Variants in ZNF337 observed in about 807,000 individuals in gnomAD.
ZNF337 encodes zinc finger protein 337.
A neutral mutation model predicts 12.1 loss-of-function variants in ZNF337; 8 were observed. The ratio of observed to expected loss-of-function variants is 0.66; its 90% CI spans 0.39 to 1.19. The LOEUF is 1.19. ZNF337 is among the 50% of genes most tolerant of loss of function. The pLI is 0.01. For synonymous variants in ZNF337, 336 were observed against 320.0 expected (o/e 1.05, Z -0.53); for missense variants, 882 against 896.6 (o/e 0.98, Z 0.21).
rs560203328 is a variant in ZNF337, at chr20:25,693,436, A to AC, written c.-50+3322_-50+3323insG. On this transcript the variant is annotated intron_variant, in intron 1 of 4. Transcript: ENST00000252979. ...CTTAGTCTGTGAAATGGGGATTCCA[A>AC]TTCCTAACTTCCACATTGGTTGAAG... Among the ~76,000 whole-genome samples the AC allele has an allele frequency of 4.6e-5, 7 of 152,342 alleles. No homozygotes were observed. In the South Asian group the frequency reaches 1.4e-3, roughly 32 times the overall value.
chr20:25,696,557 G>A (rs1168898193), intron 1 of ZNF337, among the ~76,000 whole-genome samples: 1 of 152,198 alleles, frequency 6.6e-6, no homozygotes, highest in African/African-American at 2.4e-5. Context: ...CCCAGACCCG[G>A]GGCGCTCGGC....
intron 4 of ZNF337, among the ~76,000 whole-genome samples, chr20:25,683,749 T>C (rs1452219425): frequency 1.3e-5 from 2 of 152,162 alleles, no homozygotes; most frequent in Non-Finnish European, 1.5e-5. Flanking sequence ...TTTTACACTG[T>C]TGGTGGGACT....
chr20:25,675,027 T>A lies in ZNF337; in HGVS notation c.*5A>T, dbSNP rs774928588. 3 of 1,609,658 alleles carry A rather than the reference T, an allele frequency of 1.9e-6. No homozygotes were observed. Among genetic ancestry groups the A allele is most frequent in the African/African-American group, 1.3e-5 (1 of 74,796 alleles). On this transcript the variant is annotated 3_prime_UTR_variant, in exon 5 of 5. Transcript: ENST00000252979. ...GTGTCCTCTGATGGATGGTGAGATA[T>A]AACTTCAAGATGAAGCCTCACCCAC...
At chr20:25,680,588 C>T (rs2065757575) in intron 4 of ZNF337, among the ~76,000 whole-genome samples, 2 of 152,040 alleles carry the variant, frequency 1.3e-5, no homozygotes, top group African/African-American at 2.4e-5. Context: ...GGTACTATGA[C>T]AGTCAATGTG....
chr20:25,687,695 T>C (rs896990297), intron 1 of ZNF337, among the ~76,000 whole-genome samples: 4 of 152,240 alleles, frequency 2.6e-5, no homozygotes, highest in African/African-American at 4.8e-5. Flanking sequence ...CTTAAGGAGA[T>C]AGCTACAGAT....
chr20:25,691,797 C>T (rs1699693684), intron 1 of ZNF337, among the ~76,000 whole-genome samples: 1 of 152,138 alleles, frequency 6.6e-6, no homozygotes, highest in African/African-American at 2.4e-5. Context: ...AAGACAAATT[C>T]CGTGTAGTTT....
Position 25,674,562 on chromosome 20 carries a change from G to T in ZNF337, c.*470C>A. On this transcript the variant is annotated 3_prime_UTR_variant, in exon 5 of 5. Transcript: ENST00000252979. ...AGAGTTTCAACATAAATTAAGGAGG[G>T]GACAAAACATCCAAACCAAGGAAGG... The T allele has an allele frequency of 6.1e-6, 1 of 164,576 alleles. No individual in the cohort carries two copies. Among genetic ancestry groups the T allele is most frequent in the Admixed American group, 5.8e-5 (1 of 17,174 alleles). 10.2% of individuals were successfully genotyped at this position (164,576 alleles called of 1,614,324 possible).
chr20:25,685,749 G>A, intron 3 of ZNF337, 87 bp from the exon 4 acceptor site: 3 of 1,294,722 alleles, frequency 2.3e-6, no homozygotes, highest in Non-Finnish European at 3.3e-6. Flanking sequence ...CAGGAAGGGA[G>A]GGAGAATCAG....
Position 25,675,382 on chromosome 20 carries a change from C to G in ZNF337, c.1906G>C (p.Gly636Arg). The change falls in exon 5 of 5, where the codon GGC (glycine) becomes CGC (arginine). Residue 636 changes from glycine to arginine, a missense_variant. Coordinates refer to ENST00000252979, the MANE Select transcript of ZNF337 (RefSeq NM_015655.4). ...QPFVCKECGR[G>R]FNWKGNLLTH... ...AGGAGATTTCCCTTCCAGTTGAAGC[C>G]TCGCCCACACTCCTTGCATACAAAA... 7 of 1,613,984 alleles carry G rather than the reference C, an allele frequency of 4.3e-6. No individual in the cohort carries two copies. The highest frequency in any genetic ancestry group is 5.9e-6 in the Non-Finnish European group (7 of 1,179,992).
intron 1 of ZNF337, among the ~76,000 whole-genome samples, chr20:25,688,836 G>T (rs567260464): frequency 1.5e-4 from 23 of 152,058 alleles, no homozygotes; most frequent in Admixed American, 1.5e-3. Context: ...TTAAGTAAGG[G>T]TAAGTATCTC....
In ZNF337 at chr20:25,685,610, C is replaced by A; in HGVS notation, c.207G>T (p.Val69=). ...GGCGTCTTCTCTCTTCTCCCCAGGGCACTTCCCCTTGCTCTAGCCGCCTGA... is the reference window on the plus strand; with the variant it reads ...GGCGTCTTCTCTCTTCTCCCCAGGGAACTTCCCCTTGCTCTAGCCGCCTGA... The part of the protein sequence containing the change: ...ELIRRLEQGE[V]PWGEERRRRP... Residue 69 remains valine (V), a synonymous_variant, in exon 4 of 5, where the codon GTG becomes GTT. Coordinates refer to ENST00000252979, the MANE Select transcript of ZNF337 (RefSeq NM_015655.4). 1 of 1,614,190 alleles carries A rather than the reference C, an allele frequency of 6.2e-7. No homozygotes were observed. The highest frequency in any genetic ancestry group is 1.1e-5 in the South Asian group (1 of 91,076).
intron 1 of ZNF337, among the ~76,000 whole-genome samples, chr20:25,692,040 G>A (rs981087335): frequency 6.6e-6 from 1 of 152,128 alleles, no homozygotes; most frequent in Non-Finnish European, 1.5e-5. Flanking sequence ...AAAAGCTATG[G>A]CAAGGAAAGA....
Position 25,676,248 on chromosome 20 carries a change from G to A in ZNF337, c.1040C>T (p.Pro347Leu), listed in dbSNP as rs748714874. 1 of 1,613,908 alleles carries A rather than the reference G, an allele frequency of 6.2e-7. No individual in the cohort carries two copies. Among genetic ancestry groups the A allele is most frequent in the Non-Finnish European group, 8.5e-7 (1 of 1,179,976 alleles). ...VHKRIHSGEK[P>L]YRCQECGRGF... is the part of the protein sequence containing the mutation. ...TCGGCCACACTCCTGGCATCTGTAAGGCTTCTCTCCTGAGTGTATTCTCTT... is the reference window on the plus strand; with the variant it reads ...TCGGCCACACTCCTGGCATCTGTAAAGCTTCTCTCCTGAGTGTATTCTCTT... Residue 347 changes from proline to leucine, a missense_variant, in exon 5 of 5, where the codon CCT becomes CTT. By Grantham distance (98) the Pro-to-Leu change is moderately conservative (BLOSUM62 -3). Transcript: ENST00000252979.
chr20:25,675,960 T>TGAATAAATCCTTGCCCA lies in ZNF337; in HGVS notation c.1311_1327dup (p.Gln443LeufsTer12). On this transcript the variant is annotated frameshift_variant, in exon 5 of 5. Transcript: ENST00000252979. LOFTEE classifies it low-confidence loss of function (END_TRUNC). The stretch of plus-strand genomic sequence containing the variant: ...CTGATGTTTCACAAGGGTTGACTTC[T>TGAATAAATCCTTGCCCA]GAATAAATCCTTGCCCACATTCTCT... 6.2e-7 allele frequency: 1 copy of TGAATAAATCCTTGCCCA among 1,612,928 alleles called. No individual in the cohort carries two copies. The highest frequency in any genetic ancestry group is 8.5e-7 in the Non-Finnish European group (1 of 1,179,432).
Position 25,676,501 on chromosome 20 carries a change from G to T in ZNF337, c.787C>A (p.Pro263Thr), listed in dbSNP as rs754978402. ...CGTCCACACACCTTGCACAGAAAAGGCTTCTCTCCTGAGTGTGTCCTCTGG... is the reference window on the plus strand; with the variant it reads ...CGTCCACACACCTTGCACAGAAAAGTCTTCTCTCCTGAGTGTGTCCTCTGG... The part of the protein sequence containing the change: ...RHQRTHSGEK[P>T]FLCKVCGRGY... The change falls in exon 5 of 5, where the codon CCT becomes ACT. Residue 263 changes from proline to threonine, a missense_variant. Transcript: ENST00000252979. 6 of 1,614,034 alleles carry T rather than the reference G, an allele frequency of 3.7e-6. No individual in the cohort carries two copies. In the South Asian group the frequency reaches 4.4e-5, roughly 12 times the overall value.
Position 25,675,327 on chromosome 20 carries a change from T to C in ZNF337, c.1961A>G (p.Lys654Arg), listed in dbSNP as rs752929963. The C allele has an allele frequency of 6.2e-7, 1 of 1,614,234 alleles. No homozygotes were observed. The highest frequency in any genetic ancestry group is 8.5e-7 in the Non-Finnish European group (1 of 1,180,038). The change falls in exon 5 of 5, where the codon AAG becomes AGG. Residue 654 changes from lysine (K) to arginine (R), a missense_variant. By Grantham distance (26) the Lys-to-Arg change is conservative. Coordinates refer to ENST00000252979, the MANE Select transcript of ZNF337 (RefSeq NM_015655.4). Reference protein sequence around the residue: ...LTHQRTHSGEKPFVCNVCGQG... With the variant: ...LTHQRTHSGERPFVCNVCGQG... ...CCCACACACATTACACACGAAGGGC[T>C]TCTCCCCTGAGTGTGTCCTCTGGTG...
chr20:25,694,234 C>G (rs748012933), intron 1 of ZNF337, among the ~76,000 whole-genome samples: 1 of 152,134 alleles, frequency 6.6e-6, no homozygotes, highest in Non-Finnish European at 1.5e-5. Flanking sequence ...GTGACTATTA[C>G]CCACCAATTT....
chr20:25,685,942 C>A, intron 3 of ZNF337, 54 bp downstream of exon 3: 1 of 1,572,124 alleles, frequency 6.4e-7, no homozygotes, highest in South Asian at 1.2e-5. Flanking sequence ...AACCCTATGG[C>A]AACATCAGAG....
chr20:25,687,551 C>CT (rs1167974345), intron 1 of ZNF337, among the ~76,000 whole-genome samples: 3 of 152,186 alleles, frequency 2.0e-5, no homozygotes, highest in Non-Finnish European at 4.4e-5. Context: ...TAGCCAGTAA[C>CT]TTTGAGACAG....
Sources: gnomAD v4.1 joint callset for allele counts (sites outside exome capture counted in the v4.1 genomes callset) on GRCh38, gnomAD v4.1.1 for gene constraint, MANE v1.5 for transcripts, NCBI Gene and HGNC (gene_info 2026-07-23, HGNC 2026-07-21) for gene names.